TRAPPC9: variants seen among roughly 807,000 people sequenced by gnomAD.
The protein encoded by TRAPPC9 is trafficking protein particle complex subunit 9, also known as IKK2 binding protein.
In TRAPPC9, 83 loss-of-function variants were observed where a neutral mutation model predicts 124.0. The ratio of observed to expected loss-of-function variants is 0.67; its 90% confidence interval spans 0.56 to 0.80. The LOEUF (loss-of-function observed/expected upper bound fraction) is 0.80, where lower values mean the gene tolerates loss of function less well. Among genes scored for constraint, TRAPPC9 ranks in the 30% least tolerant of loss-of-function variants. TRAPPC9 has a pLI of 0.00. For synonymous variants in TRAPPC9, 638 were observed against 617.5 expected, an observed-to-expected ratio of 1.03 and a Z score of -0.49; for missense variants, 1,302 against 1,508.3, an observed-to-expected ratio of 0.86 and a Z score of 2.27.
chr8:140,149,618 C>T (rs879800182), intron 17 of TRAPPC9, among the ~76,000 whole-genome samples: 3 of 143,140 alleles, frequency 2.1e-5, no homozygotes, highest in African/African-American at 5.4e-5. Context: ...AGCAAGACTC[C>T]ATCTCAAAAA....
chr8:139,974,644 G>C (rs1836316923), intron 19 of TRAPPC9, among the ~76,000 whole-genome samples: 1 of 152,046 alleles, frequency 6.6e-6, no homozygotes, highest in African/African-American at 2.4e-5. Context: ...CAGGGCCCTG[G>C]GCCCACTAAA....
intron 9 of TRAPPC9, among the ~76,000 whole-genome samples, chr8:140,330,005 G>C (rs2066854072): frequency 6.6e-6 from 1 of 151,966 alleles, no homozygotes; most frequent in East Asian, 1.9e-4. Flanking sequence ...CTTGAACCTG[G>C]GAGGCAGAAG....
In TRAPPC9 at chr8:139,959,535, GC is replaced by G. The variant is rs1835235529; in HGVS notation, c.2810+29190del. On this transcript the variant is annotated intron_variant, in intron 19 of 22. Transcript: ENST00000438773. ...AGCTGTTGGGCACCAACGCTGGCAA[GC>G]CCTCTTAAGGAAGAGCACTGCCAGG... Among the ~76,000 whole-genome samples, 10 of 152,286 alleles carry G rather than the reference GC, an allele frequency of 6.6e-5. No homozygotes were observed. In the South Asian group the frequency reaches 2.1e-3, roughly 32 times the overall value.
chr8:140,370,961 T>C lies in TRAPPC9; in HGVS notation c.1351+3A>G. The C allele has an allele frequency of 6.2e-7, 1 of 1,613,968 alleles. No homozygotes were observed. Among genetic ancestry groups the C allele is most frequent in the Non-Finnish European group, 8.5e-7 (1 of 1,180,038 alleles). ...CTTAGCGCCAGCAAGGGGACTCCAG[T>C]ACCTCTGCTGAAATCTTTGGGATCC... On this transcript the variant is annotated splice_donor_region_variant and intron_variant, in intron 8 of 22. Coordinates refer to ENST00000438773, the MANE Select transcript of TRAPPC9 (RefSeq NM_001160372.4).
intron 9 of TRAPPC9, among the ~76,000 whole-genome samples, chr8:140,323,523 G>T (rs563466215): frequency 6.6e-6 from 1 of 152,242 alleles, no homozygotes; most frequent in Admixed American, 6.5e-5. Context: ...TCTTCAGATA[G>T]ACGGTATCAG....
At chr8:140,161,894 G>A (rs1450204024) in intron 17 of TRAPPC9, among the ~76,000 whole-genome samples, 1 of 152,134 alleles carries the variant, frequency 6.6e-6, no homozygotes, top group Non-Finnish European at 1.5e-5. Context: ...GCAGCGGCAT[G>A]GTGCAGAGAC....
chr8:139,972,330 T>G (rs1836155626), intron 19 of TRAPPC9, among the ~76,000 whole-genome samples: 1 of 152,160 alleles, frequency 6.6e-6, no homozygotes, highest in African/African-American at 2.4e-5. Flanking sequence ...GGGAGGTGCT[T>G]CTGTACAGAA....
At chr8:139,784,345 A>T (rs578038848) in intron 21 of TRAPPC9, among the ~76,000 whole-genome samples, 2 of 152,180 alleles carry the variant, frequency 1.3e-5, no homozygotes, top group African/African-American at 4.8e-5. Flanking sequence ...AGGCCAAGGC[A>T]GGTGGATCAC....
chr8:140,046,694 G>T (rs1320384645), intron 17 of TRAPPC9, among the ~76,000 whole-genome samples: 1 of 152,204 alleles, frequency 6.6e-6, no homozygotes, highest in African/African-American at 2.4e-5. Flanking sequence ...ACAGCATGAA[G>T]AAAAGGACCC....
At chr8:140,188,818 C>T (rs1199808008) in intron 17 of TRAPPC9, among the ~76,000 whole-genome samples, 2 of 152,216 alleles carry the variant, frequency 1.3e-5, no homozygotes, top group South Asian at 2.1e-4. Context: ...CCACTATCCA[C>T]AGCTGATGGT....
At position 139,968,518 on chromosome 8, in the gene TRAPPC9, C is replaced by T. The variant is rs568929618; in HGVS notation, c.2810+20208G>A. ...ACCAGCCTGGGCTCCAGAATCACGT[C>T]GCTAGTGGGCAGGGATACGTGCATT... is the stretch of plus-strand genomic sequence containing the variant. On this transcript the variant is annotated intron_variant, in intron 19 of 22. Transcript: ENST00000438773. 2.6e-5 allele frequency among the ~76,000 whole-genome samples: 4 copies of T among 152,306 alleles called. No homozygotes were observed. The East Asian group carries it at 5.8e-4, about 22-fold the overall frequency.
At chr8:140,267,473 C>T (rs1014235829) in intron 15 of TRAPPC9, among the ~76,000 whole-genome samples, 12 of 152,330 alleles carry the variant, frequency 7.9e-5, no homozygotes, top group Admixed American at 3.3e-4. Flanking sequence ...ACTCACTATG[C>T]GGCAAGCATT....
chr8:140,352,752 A>G (rs1257650485), intron 9 of TRAPPC9, among the ~76,000 whole-genome samples: 1 of 152,196 alleles, frequency 6.6e-6, no homozygotes, highest in African/African-American at 2.4e-5. Context: ...CAATATTATA[A>G]GACAAATTAT....
chr8:140,430,588 G>A (rs2132575650), intron 4 of TRAPPC9, among the ~76,000 whole-genome samples: 1 of 152,360 alleles, frequency 6.6e-6, no homozygotes, highest in East Asian at 1.9e-4. Flanking sequence ...TGGACACACA[G>A]TAGTAGGATG....
intron 17 of TRAPPC9, among the ~76,000 whole-genome samples, chr8:140,103,730 C>G (rs2060619867): frequency 6.6e-6 from 1 of 152,224 alleles, no homozygotes; most frequent in Non-Finnish European, 1.5e-5. Flanking sequence ...GCTATCTCAG[C>G]TGGTCTTCAC....
chr8:140,372,971 G>A (rs996113413), intron 7 of TRAPPC9, among the ~76,000 whole-genome samples: 6 of 152,122 alleles, frequency 3.9e-5, no homozygotes, highest in Admixed American at 2.6e-4. Context: ...ATGCCTTCAC[G>A]GGCATGCCAG....
At chr8:139,791,922 C>A (rs1450143753) in intron 21 of TRAPPC9, among the ~76,000 whole-genome samples, 1 of 152,144 alleles carries the variant, frequency 6.6e-6, no homozygotes, top group Non-Finnish European at 1.5e-5. Flanking sequence ...TGGAAGGAGC[C>A]CCTCGACAAG....
intron 17 of TRAPPC9, among the ~76,000 whole-genome samples, chr8:140,024,360 G>C (rs752693030): frequency 1.3e-5 from 2 of 151,762 alleles, no homozygotes; most frequent in Non-Finnish European, 2.9e-5. Flanking sequence ...CATGCAAACG[G>C]AAAGGGCTTC....
chr8:140,099,182 C>T (rs2060520697), intron 17 of TRAPPC9: 1 of 151,622 alleles, frequency 6.6e-6, no homozygotes, highest in South Asian at 2.1e-4. Flanking sequence ...CGTGATCCTG[C>T]GCAGCCTTCC....
Sources: gnomAD v4.1 joint callset for allele counts (sites outside exome capture counted in the v4.1 genomes callset) on GRCh38, gnomAD v4.1.1 for gene constraint, MANE v1.5 for transcripts, NCBI Gene and HGNC (gene_info 2026-07-23, HGNC 2026-07-21) for gene names.